The following IL1R1 variants were observed in gnomAD, a reference collection of about 807,000 sequenced individuals.
The protein encoded by IL1R1 is interleukin 1 receptor type 1, also known as interleukin-1 receptor type 1.
IL1R1 carries 22 observed loss-of-function variants against 50.2 expected under a neutral mutation model. The observed-to-expected ratio is 0.44, with a 90% CI of 0.31 to 0.63. The LOEUF is 0.63. Ranked by LOEUF, IL1R1 falls within the 20% of genes least tolerant of loss-of-function variation. IL1R1 has a pLI of 0.07. For missense variants in IL1R1, 509 were observed against 676.2 expected (o/e 0.75, Z 2.74); for synonymous variants, 251 against 236.7 (o/e 1.06, Z -0.55).
At chr2:102,172,994 C>G (rs552303040) in intron 9 of IL1R1, among the ~76,000 whole-genome samples, 156 bp downstream of exon 9, 16 of 152,294 alleles carry the variant, frequency 1.1e-4, no homozygotes, top group African/African-American at 3.8e-4. Flanking sequence ...GCTGAACTCT[C>G]TCTTCTTGGA....
At chr2:102,071,779 A>G in intron 1 of IL1R1, among the ~76,000 whole-genome samples, 1 of 152,180 alleles carries the variant, frequency 6.6e-6, no homozygotes, top group East Asian at 1.9e-4. Context: ...GAGAAATGCC[A>G]TGCCTTAATG....
At chr2:102,093,346 CTTTGGGGTA>C (rs2104317722) in intron 1 of IL1R1, among the ~76,000 whole-genome samples, 1 of 152,286 alleles carries the variant, frequency 6.6e-6, no homozygotes, top group Admixed American at 6.5e-5. Context: ...GTCTTCATTT[CTTTGGGGTA>C]TTTTGAAGTA....
chr2:102,103,785 G>A (rs1358368317), upstream of IL1R1, among the ~76,000 whole-genome samples: 8 of 151,972 alleles, frequency 5.3e-5, no homozygotes, highest in Non-Finnish European at 7.4e-5. Flanking sequence ...TCTGAGTTCA[G>A]GAGTTTGAGA....
intron 1 of IL1R1, among the ~76,000 whole-genome samples, chr2:102,128,784 G>A (rs968356094): frequency 1.3e-5 from 2 of 152,208 alleles, no homozygotes; most frequent in African/African-American, 4.8e-5. Context: ...GTAAAAGGCA[G>A]CAATGTGAAG....
At chr2:102,119,849 C>T (rs1019602588) in intron 1 of IL1R1, among the ~76,000 whole-genome samples, 18 of 152,260 alleles carry the variant, frequency 1.2e-4, no homozygotes, top group Non-Finnish European at 2.2e-4. Context: ...TTCAAGTGTA[C>T]GATACAGTAT....
intron 10 of IL1R1, among the ~76,000 whole-genome samples, 189 bp downstream of exon 10, chr2:102,174,919 A>G (rs1257659306): frequency 3.3e-5 from 5 of 152,184 alleles, no homozygotes; most frequent in African/African-American, 1.2e-4. Flanking sequence ...ATTGTTTTCT[A>G]AGTTCCTGCC....
At chr2:102,133,430 C>G (rs956381301) in intron 1 of IL1R1, among the ~76,000 whole-genome samples, 1 of 152,084 alleles carries the variant, frequency 6.6e-6, no homozygotes, top group Non-Finnish European at 1.5e-5. Flanking sequence ...CTAATATTAC[C>G]CAGATATCAA....
intron 1 of IL1R1, among the ~76,000 whole-genome samples, chr2:102,094,208 G>T (rs1212725173): frequency 6.6e-6 from 1 of 152,186 alleles, no homozygotes; most frequent in African/African-American, 2.4e-5. Flanking sequence ...TCTAAAGAAA[G>T]AATAAAATGC....
intron 1 of IL1R1, among the ~76,000 whole-genome samples, chr2:102,086,523 A>G (rs1254795748): frequency 6.7e-6 from 1 of 148,978 alleles, no homozygotes; most frequent in Non-Finnish European, 1.5e-5. Context: ...AATATTTTCT[A>G]CGCCTTTCTC....
chr2:102,152,722 T>C (rs1683800547), intron 1 of IL1R1, among the ~76,000 whole-genome samples: 1 of 151,912 alleles, frequency 6.6e-6, no homozygotes. Flanking sequence ...GAGGGCACTG[T>C]CCTAGGACTG....
chr2:102,175,423 A>G, intron 10 of IL1R1, 55 bp from the exon 11 acceptor site: 1 of 1,365,864 alleles, frequency 7.3e-7, no homozygotes, highest in Non-Finnish European at 1.0e-6. Context: ...TACTGACTTT[A>G]TCAAATCTCT....
chr2:102,164,962 G>C lies in IL1R1; in HGVS notation c.250G>C (p.Val84Leu). 1.2e-6 allele frequency: 2 copies of C among 1,614,118 alleles called. No homozygotes were observed. The highest frequency in any genetic ancestry group is 1.7e-6 in the Non-Finnish European group (2 of 1,179,980). The change falls in exon 4 of 12, where the codon GTT (valine) becomes CTT (leucine). Residue 84 changes from valine to leucine, a missense_variant. Coordinates refer to ENST00000410023, the MANE Select transcript of IL1R1 (RefSeq NM_000877.4). ...TCAACACAAAGAGAAACTTTGGTTT[G>C]TTCCTGCTAAGGTGGAGGATTCAGG... is the stretch of plus-strand genomic sequence containing the variant. ...IHQHKEKLWF[V>L]PAKVEDSGHY...
At chr2:102,132,563 A>C (rs574380256) in intron 1 of IL1R1, among the ~76,000 whole-genome samples, 1 of 152,304 alleles carries the variant, frequency 6.6e-6, no homozygotes, top group African/African-American at 2.4e-5. Flanking sequence ...CAAACAAGCA[A>C]AAGATAAGAC....
intron 1 of IL1R1, among the ~76,000 whole-genome samples, chr2:102,094,558 G>A (rs1679816784): frequency 6.6e-6 from 1 of 152,138 alleles, no homozygotes; most frequent in African/African-American, 2.4e-5. Context: ...CGGTTGAAAG[G>A]AAAACTTTAG....
At chr2:102,082,410 A>G (rs1025048220) in intron 1 of IL1R1, among the ~76,000 whole-genome samples, 12 of 152,176 alleles carry the variant, frequency 7.9e-5, no homozygotes, top group Admixed American at 7.9e-4. Flanking sequence ...AAGGATGTAT[A>G]GTGCATCTTG....
upstream of IL1R1, among the ~76,000 whole-genome samples, chr2:102,103,572 G>A (rs1330989992): frequency 1.3e-5 from 2 of 152,186 alleles, no homozygotes; most frequent in Non-Finnish European, 2.9e-5. Flanking sequence ...GACCTTGAAT[G>A]CTAGAATTGG....
At chr2:102,074,002 C>T (rs1678852590) in intron 1 of IL1R1, among the ~76,000 whole-genome samples, 1 of 152,124 alleles carries the variant, frequency 6.6e-6, no homozygotes, top group South Asian at 2.1e-4. Flanking sequence ...AGGAGCTCTG[C>T]CCCAGTAGTG....
rs183256202 is a variant in IL1R1 at position 102,112,850 on chromosome 2, G to A, written c.-84+7978G>A. ...AACCCTAATTCCAGTGATGGTGTTA[G>A]GAGGTGGCATGCTTGGGAGATTGTT... On this transcript the variant is annotated intron_variant, in intron 1 of 10. Coordinates refer to the IL1R1 transcript ENST00000409329. Among the ~76,000 whole-genome samples, 784 of 152,306 alleles carry A rather than the reference G, an allele frequency of 5.1e-3. 5 individuals are homozygous for A. The highest frequency in any genetic ancestry group is 0.018 in the African/African-American group (760 of 41,574).
At chr2:102,103,048 T>C (rs1291113230), upstream of IL1R1, among the ~76,000 whole-genome samples, 5 of 152,134 alleles carry the variant, frequency 3.3e-5, no homozygotes, top group Non-Finnish European at 7.4e-5. Flanking sequence ...TAGGGTACCA[T>C]ACTTATTACC....
Sources: gnomAD v4.1 joint callset for allele counts (sites outside exome capture counted in the v4.1 genomes callset) on GRCh38, gnomAD v4.1.1 for gene constraint, MANE v1.5 for transcripts, NCBI Gene and HGNC (gene_info 2026-07-23, HGNC 2026-07-21) for gene names.